The following FRMD3 variants were observed in gnomAD, a reference collection of about 807,000 sequenced individuals.
FRMD3 encodes the protein FERM domain-containing protein 3.
FRMD3 carries 33 observed loss-of-function variants against 70.2 expected under a neutral mutation model. The ratio of observed to expected loss-of-function variants is 0.47; its 90% confidence interval spans 0.36 to 0.63. The LOEUF (loss-of-function observed/expected upper bound fraction) is 0.63, where lower values mean the gene tolerates loss of function less well. Ranked by LOEUF, FRMD3 falls within the 20% of genes least tolerant of loss-of-function variation. FRMD3 has a pLI of 0.00. For synonymous variants in FRMD3, 279 were observed against 255.9 expected, an observed-to-expected ratio of 1.09 and a Z score of -0.86; for missense variants, 632 against 711.4, an observed-to-expected ratio of 0.89 and a Z score of 1.27.
chr9:83,479,872 A>C (rs1828526697), intron 1 of FRMD3, among the ~76,000 whole-genome samples: 1 of 151,944 alleles, frequency 6.6e-6, no homozygotes, highest in African/African-American at 2.4e-5. Flanking sequence ...GAATAGGAAA[A>C]TGTAAGTCAA....
chr9:83,332,058 G>A, intron 6 of FRMD3: 1 of 614,786 alleles, frequency 1.6e-6, no homozygotes, highest in Non-Finnish European at 2.9e-6. Context: ...CCCCCCAGCT[G>A]GCCTCTGGTG....
intron 1 of FRMD3, among the ~76,000 whole-genome samples, chr9:83,454,090 C>G (rs903408641): frequency 2.6e-5 from 4 of 152,122 alleles, no homozygotes; most frequent in African/African-American, 9.7e-5. Context: ...TATTCAACAG[C>G]ACTGCTCTAG....
At chr9:83,538,809 G>A (rs913420308), upstream of FRMD3, among the ~76,000 whole-genome samples, 3 of 150,392 alleles carry the variant, frequency 2.0e-5, no homozygotes, top group East Asian at 1.9e-4. The surrounding 1 kb of genome is among the most constrained non-coding windows in gnomAD (Gnocchi z 4.7). Flanking sequence ...GACCTGGCGC[G>A]GGTAGGGGAC....
intron 13 of FRMD3, among the ~76,000 whole-genome samples, chr9:83,283,552 T>A (rs200627246): frequency 2.6e-4 from 14 of 53,624 alleles, no homozygotes; most frequent in African/African-American, 5.8e-4. Context: ...AAAAAAATAA[T>A]AATAATAATA....
Position 83,358,343 on chromosome 9 carries a change from T to C in FRMD3, c.296-8586A>G, listed in dbSNP as rs576230323. On this transcript the variant is annotated intron_variant, in intron 3 of 13. Transcript: ENST00000304195. ...GTTTGGTGACTATGACCTTATAGTATATAGTTTGAAGTCGGGTAATGTGAT... is the reference window on the plus strand; with the variant it reads ...GTTTGGTGACTATGACCTTATAGTACATAGTTTGAAGTCGGGTAATGTGAT... Among the ~76,000 whole-genome samples, 10 of 152,352 alleles carry C rather than the reference T, an allele frequency of 6.6e-5. No homozygotes were observed. The South Asian group carries it at 1.5e-3, about 22-fold the overall frequency.
the FRMD3 span, among the ~76,000 whole-genome samples, chr9:83,563,801 C>A: frequency 5.9e-4 from 90 of 152,256 alleles, no homozygotes; most frequent in East Asian, 0.013. Context: ...GTCAATACCT[C>A]AAAACATTAT....
intron 2 of FRMD3, among the ~76,000 whole-genome samples, chr9:83,381,817 T>C (rs1472240114): frequency 6.6e-6 from 1 of 152,146 alleles, no homozygotes. Context: ...AGATAGTAAA[T>C]ATTTTAAGCT....
intron 13 of FRMD3, among the ~76,000 whole-genome samples, chr9:83,257,068 A>T (rs189243573): frequency 1.1e-3 from 174 of 152,330 alleles, no homozygotes; most frequent in African/African-American, 3.8e-3. Context: ...AGATACATGC[A>T]TGCATATGTT....
chr9:83,254,087 G>A (rs1195732374), intron 13 of FRMD3, among the ~76,000 whole-genome samples: 1 of 151,428 alleles, frequency 6.6e-6, no homozygotes, highest in Non-Finnish European at 1.5e-5. Flanking sequence ...AACACAGGAA[G>A]GGGAACATCA....
At chr9:83,442,076 C>T (rs7023140) in intron 1 of FRMD3, among the ~76,000 whole-genome samples, 87,090 of 151,810 alleles carry the variant, frequency 0.57, 26,120 homozygotes, top group African/African-American at 0.77. Context: ...TACCACTTAT[C>T]AGCCGAGTGA....
chr9:83,315,043 C>G lies in FRMD3; in HGVS notation c.597-1296G>C, dbSNP rs1390319969. On this transcript the variant is annotated intron_variant, in intron 6 of 13. Coordinates refer to ENST00000304195, the MANE Select transcript of FRMD3 (RefSeq NM_174938.6). ...GCTGTGCACATTCTGCTGCTTCTGT[C>G]ATTGATATGTTTTTTTTTTAAATAT... Among the ~76,000 whole-genome samples, 3 of 151,922 alleles carry G rather than the reference C, an allele frequency of 2.0e-5. No individual in the cohort carries two copies. The South Asian group carries it at 6.2e-4, about 32-fold the overall frequency.
rs1418746965 is a variant in FRMD3 at position 83,479,469 on chromosome 9, A to T, written c.147+58616T>A. Among the ~76,000 whole-genome samples the T allele has an allele frequency of 2.1e-5, 3 of 143,992 alleles. No homozygotes were observed. The Admixed American group carries it at 2.1e-4, about 10-fold the overall frequency. 94.5% of individuals were successfully genotyped at this position (143,992 alleles called of 152,430 possible). ...GGAGGGAGGGAGGGAGGAAGGAAGG[A>T]AGGAAAAGTTAGCCATCCATGGTGG... On this transcript the variant is annotated intron_variant, in intron 1 of 13. Transcript: ENST00000304195.
chr9:83,297,930 C>A lies in FRMD3; in HGVS notation c.1070+818G>T. ...CACTTCTGTGGGACCACAGCCTCCT[C>A]CTGCCCAACAACCCCAAGGGACAGG... On this transcript the variant is annotated intron_variant, in intron 12 of 13. Transcript: ENST00000304195. 6.7e-6 allele frequency: 3 copies of A among 449,410 alleles called. No homozygotes were observed. The East Asian group carries it at 2.1e-4, about 31-fold the overall frequency. The allele number at this position is 449,410 out of a possible 1,614,324, so 27.8% of individuals were successfully genotyped here.
chr9:83,333,941 A>C (rs765179862), intron 6 of FRMD3, among the ~76,000 whole-genome samples: 1 of 152,166 alleles, frequency 6.6e-6, no homozygotes, highest in Non-Finnish European at 1.5e-5. Context: ...AATGCACTTA[A>C]AGCTCTTAGC....
Position 83,400,254 on chromosome 9 carries a change from T to A in FRMD3, c.148-10546A>T, listed in dbSNP as rs1004255482. Among the ~76,000 whole-genome samples, 7 of 152,096 alleles carry A rather than the reference T, an allele frequency of 4.6e-5. No homozygotes were observed. In the East Asian group the frequency reaches 1.3e-3, roughly 29 times the overall value. ...AAATTGTTTTCCTATAGACCAGCAA[T>A]GAACAATTGAAAGTTGAAATTAAAA... On this transcript the variant is annotated intron_variant, in intron 1 of 13. Transcript: ENST00000304195.
In FRMD3 at chr9:83,245,534, T is replaced by C. The variant is rs1338956748; in HGVS notation, c.*2384A>G. On this transcript the variant is annotated 3_prime_UTR_variant, in exon 14 of 14. Coordinates refer to ENST00000304195, the MANE Select transcript of FRMD3 (RefSeq NM_174938.6). ...AGAGAAAAGAGATGTTAGCTGGAAA[T>C]GTTAAAATAATATATTTATTACTCC... 1.0e-6 allele frequency: 1 copy of C among 960,590 alleles called. No individual in the cohort carries two copies. 59.5% of individuals were successfully genotyped at this position (960,590 alleles called of 1,614,324 possible).
intron 5 of FRMD3, among the ~76,000 whole-genome samples, chr9:83,336,460 CTG>C (rs1369246154): frequency 2.0e-5 from 3 of 151,224 alleles, no homozygotes; most frequent in Non-Finnish European, 4.4e-5. Flanking sequence ...CTAATATTCT[CTG>C]TGTCAGGAAT....
chr9:83,505,114 A>C (rs2131519410), intron 1 of FRMD3, among the ~76,000 whole-genome samples: 1 of 152,316 alleles, frequency 6.6e-6, no homozygotes, highest in East Asian at 1.9e-4. Flanking sequence ...ACACAGCAGG[A>C]AAGTCCCCCT....
intron 1 of FRMD3, among the ~76,000 whole-genome samples, chr9:83,430,853 A>G (rs1826955191): frequency 6.6e-6 from 1 of 152,214 alleles, no homozygotes; most frequent in Non-Finnish European, 1.5e-5. Context: ...CTGGCTGGAG[A>G]GGAGTAACAA....
Sources: gnomAD v4.1 joint callset for allele counts (sites outside exome capture counted in the v4.1 genomes callset) on GRCh38, gnomAD v4.1.1 for gene constraint, Gnocchi (gnomAD v3.1) non-coding constraint, MANE v1.5 for transcripts, NCBI Gene and HGNC (gene_info 2026-07-23, HGNC 2026-07-21) for gene names.